Variants in SLC68A1 observed in about 807,000 individuals in gnomAD.
SLC68A1 encodes the protein major facilitator superfamily domain containing 13A.
At chr10:102,471,741 A>G in the SLC68A1 span, among the ~76,000 whole-genome samples, 16 of 149,994 alleles carry the variant, frequency 1.1e-4, no homozygotes, top group Admixed American at 6.7e-4. Flanking sequence ...TCTGGGCAAC[A>G]GAGTGAGACT....
the SLC68A1 span, chr10:102,470,931 GCTCC>G: frequency 6.2e-7 from 1 of 1,613,266 alleles, no homozygotes. Context: ...AGCGCGGCCG[GCTCC>G]CTCTCTGTCT....
At chr10:102,468,829 T>C in the SLC68A1 span, 1 of 561,832 alleles carries the variant, frequency 1.8e-6, no homozygotes, top group Non-Finnish European at 3.2e-6. Flanking sequence ...TCATTCATAA[T>C]TCCCAGCGCT....
chr10:102,476,012 G>A, the SLC68A1 span: 3 of 1,446,380 alleles, frequency 2.1e-6, no homozygotes, highest in Non-Finnish European at 1.8e-6. Flanking sequence ...CCCCACTGAG[G>A]ATGCTGCTGG....
At chr10:102,473,726 G>C in the SLC68A1 span, 1 of 1,613,502 alleles carries the variant, frequency 6.2e-7, no homozygotes, top group Non-Finnish European at 8.5e-7. Flanking sequence ...AGCCTGCTGT[G>C]CCTCTTCATT....
chr10:102,476,697 G>C, the SLC68A1 span: 1 of 986,252 alleles, frequency 1.0e-6, no homozygotes. Flanking sequence ...TAAGGCAGGA[G>C]GACAGAAGAG....
chr10:102,473,686 C>G, the SLC68A1 span: 2 of 1,614,158 alleles, frequency 1.2e-6, no homozygotes, highest in East Asian at 4.5e-5. Context: ...ACTTAGCCTG[C>G]TCATGTTGTT....
the SLC68A1 span, among the ~76,000 whole-genome samples, chr10:102,471,645 A>G: frequency 6.6e-6 from 1 of 152,038 alleles, no homozygotes; most frequent in African/African-American, 2.4e-5. Context: ...TGTAATTCCA[A>G]CTACTTGGGA....
chr10:102,470,440 C>T, the SLC68A1 span, among the ~76,000 whole-genome samples: 1 of 152,188 alleles, frequency 6.6e-6, no homozygotes, highest in Admixed American at 6.5e-5. Context: ...GCCATCAGCC[C>T]AACAGGCTAA....
At chr10:102,476,958 T>TA in the SLC68A1 span, 1 of 986,004 alleles carries the variant, frequency 1.0e-6, no homozygotes, top group Non-Finnish European at 1.2e-6. Context: ...ATGCCTCCTC[T>TA]GCTGCAGGGC....
the SLC68A1 span, among the ~76,000 whole-genome samples, chr10:102,474,944 G>A: frequency 6.7e-6 from 1 of 149,454 alleles, no homozygotes; most frequent in East Asian, 2.1e-4. Flanking sequence ...CACCACGCCC[G>A]GCCAGGGAGG....
the SLC68A1 span, chr10:102,470,829 C>T: frequency 6.8e-5 from 110 of 1,613,456 alleles, no homozygotes; most frequent in East Asian, 1.1e-4. Context: ...GGCTTCCTGA[C>T]GCTCGTGGAC....
At chr10:102,469,552 G>GT in the SLC68A1 span, among the ~76,000 whole-genome samples, 69,917 of 147,602 alleles carry the variant, frequency 0.47, 16,932 homozygotes, top group Middle Eastern at 0.61. Flanking sequence ...AGGTTTTTTT[G>GT]TTTTTTTTTT....
chr10:102,462,657 T>A, the SLC68A1 span, among the ~76,000 whole-genome samples: 1 of 152,126 alleles, frequency 6.6e-6, no homozygotes, highest in Non-Finnish European at 1.5e-5. Flanking sequence ...GCTAGAGGGC[T>A]TCTTCCAAAC....
At chr10:102,468,864 T>C in the SLC68A1 span, 2 of 603,570 alleles carry the variant, frequency 3.3e-6, no homozygotes, top group Non-Finnish European at 2.9e-6. Context: ...CTCTCTCCTG[T>C]TGGAAATGAG....
chr10:102,464,450 C>CA, the SLC68A1 span, among the ~76,000 whole-genome samples: 449 of 128,604 alleles, frequency 3.5e-3, 4 homozygotes, highest in African/African-American at 9.4e-3. Context: ...GACTCCGTCT[C>CA]AAAAAAAAAA....
chr10:102,473,981 G>C, the SLC68A1 span: 1 of 1,609,580 alleles, frequency 6.2e-7, no homozygotes, highest in Non-Finnish European at 8.5e-7. Context: ...TTGCCCCGCT[G>C]CTGGGCACCT....
At chr10:102,464,047 T>A in the SLC68A1 span, among the ~76,000 whole-genome samples, 1 of 152,226 alleles carries the variant, frequency 6.6e-6, no homozygotes, top group Non-Finnish European at 1.5e-5. Flanking sequence ...TTTTGATTGA[T>A]GTTGCCCCAG....
the SLC68A1 span, chr10:102,475,754 CCT>C: frequency 1.9e-6 from 3 of 1,612,948 alleles, no homozygotes; most frequent in East Asian, 2.2e-5. Context: ...CCTCATAACC[CCT>C]GTGGGGAGTG....
the SLC68A1 span, chr10:102,469,259 C>G: frequency 1.3e-6 from 2 of 1,572,138 alleles, no homozygotes; most frequent in South Asian, 1.1e-5. Flanking sequence ...AGAGGCTGCC[C>G]AGGCTGCTGG....
Sources: gnomAD v4.1 joint callset for allele counts (sites outside exome capture counted in the v4.1 genomes callset) on GRCh38, gnomAD v4.1.1 for gene constraint, MANE v1.5 for transcripts, NCBI Gene and HGNC (gene_info 2026-07-23, HGNC 2026-07-21) for gene names.